The following PGLS variants were observed in gnomAD, a reference collection of about 807,000 sequenced individuals.
PGLS encodes epididymis secretory protein Li 304.
In PGLS, 21 loss-of-function variants were observed where a neutral mutation model predicts 23.2. The observed-to-expected ratio is 0.91, with a 90% CI of 0.64 to 1.31. The LOEUF (loss-of-function observed/expected upper bound fraction) is 1.31, where lower values mean the gene tolerates loss of function less well. PGLS is among the 50% of genes most tolerant of loss of function. The pLI is 0.00. For synonymous variants in PGLS, 179 were observed against 165.4 expected (o/e 1.08, Z -0.63); for missense variants, 410 against 354.0 (o/e 1.16, Z -1.27).
intron 4 of PGLS, 98 bp downstream of exon 4, chr19:17,517,948 T>G: frequency 8.5e-7 from 1 of 1,174,894 alleles, no homozygotes; most frequent in Non-Finnish European, 1.2e-6. Flanking sequence ...GCATCAGATC[T>G]GAAGAAAACT....
At chr19:17,520,142 G>A (rs1415495994) in intron 4 of PGLS, among the ~76,000 whole-genome samples, 2 of 147,710 alleles carry the variant, frequency 1.4e-5, no homozygotes, top group African/African-American at 5.2e-5. Context: ...GACAGCGCAA[G>A]ACCTTGTCTC....
In PGLS at chr19:17,511,865, G is replaced by A. The variant is rs776485346; in HGVS notation, c.193G>A (p.Ala65Thr). Residue 65 changes from alanine to threonine, a missense_variant, in exon 1 of 5, where the codon GCC becomes ACC. Physicochemically the swap from Ala to Thr is moderately conservative, Grantham distance 58. Coordinates refer to ENST00000252603, the MANE Select transcript of PGLS (RefSeq NM_012088.3). The part of the protein sequence containing the change: ...ARELPAAVAP[A>T]GPASLARWTL... Reference sequence around the variant, plus strand: ...CGAGCTACCCGCCGCCGTCGCCCCTGCCGGGCCAGCTAGCTTAGCGCGCTG... The same window carrying A: ...CGAGCTACCCGCCGCCGTCGCCCCTACCGGGCCAGCTAGCTTAGCGCGCTG... The A allele has an allele frequency of 3.8e-5, 58 of 1,535,082 alleles. No individual in the cohort carries two copies. Among genetic ancestry groups the A allele is most frequent in the Admixed American group, 1.2e-4 (6 of 50,554 alleles).
chr19:17,518,060 T>C (rs2075541853), intron 4 of PGLS, among the ~76,000 whole-genome samples: 1 of 150,028 alleles, frequency 6.7e-6, no homozygotes, highest in Non-Finnish European at 1.5e-5. Context: ...TAGTTAGGTA[T>C]TAACCGCTAT....
chr19:17,520,329 C>G (rs113069710), intron 4 of PGLS: 9,139 of 152,006 alleles, frequency 0.06, 350 homozygotes, highest in Non-Finnish European at 0.078. Flanking sequence ...GGGTGGATCA[C>G]CTGAGTTCAG....
At chr19:17,518,111 G>A (rs576655264) in intron 4 of PGLS, among the ~76,000 whole-genome samples, 2 of 151,512 alleles carry the variant, frequency 1.3e-5, no homozygotes, top group East Asian at 3.9e-4. Context: ...TGCATTCAGA[G>A]GTAAATTAAT....
Position 17,511,746 on chromosome 19 carries a change from TGGTGGCCC to T in PGLS, c.75_82del (p.Val26AlafsTer41). 6.6e-7 allele frequency: 1 copy of T among 1,504,320 alleles called. No homozygotes were observed. Among genetic ancestry groups the T allele is most frequent in the Non-Finnish European group, 8.8e-7 (1 of 1,133,790 alleles). 93.2% of individuals were successfully genotyped at this position (1,504,320 alleles called of 1,614,324 possible). Reference sequence around the variant, plus strand: ...GAGCTGGGTGCGGCGCTAGCGCAGCTGGTGGCCCAGCGCGCAGCATGCTGCCTGGCAGG... The same window carrying T: ...GAGCTGGGTGCGGCGCTAGCGCAGCTAGCGCGCAGCATGCTGCCTGGCAGG... On this transcript the variant is annotated frameshift_variant, in exon 1 of 5. Transcript: ENST00000252603. LOFTEE classifies it high-confidence loss of function.
rs2075538312 is a variant in PGLS, at chr19:17,517,395, C to T, written c.498+6C>T. 3.7e-6 allele frequency: 6 copies of T among 1,600,232 alleles called. No homozygotes were observed. The highest frequency in any genetic ancestry group is 1.7e-5 in the Admixed American group (1 of 59,866). Reference sequence around the variant, plus strand: ...CAGACCACCCCCTCCTACAGGTGAGCACACCAATGCGGGGTTCCACCCTAG... The same window carrying T: ...CAGACCACCCCCTCCTACAGGTGAGTACACCAATGCGGGGTTCCACCCTAG... On this transcript the variant is annotated splice_donor_region_variant and intron_variant, in intron 3 of 4. Transcript: ENST00000252603.
Position 17,521,221 on chromosome 19 carries a change from C to A in PGLS, c.*140C>A. ...AAGCCAACAGCCTCCGGCCAGCAGCCCTACCCGGGGCTCAACACACAGGCT... is the reference window on the plus strand; with the variant it reads ...AAGCCAACAGCCTCCGGCCAGCAGCACTACCCGGGGCTCAACACACAGGCT... On this transcript the variant is annotated 3_prime_UTR_variant, in exon 5 of 5. Transcript: ENST00000252603. 1 of 834,830 alleles carries A rather than the reference C, an allele frequency of 1.2e-6. No homozygotes were observed. The highest frequency in any genetic ancestry group is 1.8e-6 in the Non-Finnish European group (1 of 551,614). The allele number at this position is 834,830 out of a possible 1,614,324, so 51.7% of individuals were successfully genotyped here.
intron 4 of PGLS, 134 bp downstream of exon 4, chr19:17,517,984 C>G: frequency 1.8e-6 from 1 of 571,300 alleles, no homozygotes; most frequent in Non-Finnish European, 2.6e-6. Flanking sequence ...TGAAAGGTAA[C>G]TTGAAATTGC....
At chr19:17,512,220 C>T (rs1406793275) in intron 1 of PGLS, 3 of 511,846 alleles carry the variant, frequency 5.9e-6, no homozygotes, top group Non-Finnish European at 1.0e-5. Context: ...GGGGTCATGC[C>T]GAGATGGTCA....
chr19:17,517,991 T>G (rs2075541258), intron 4 of PGLS, 141 bp downstream of exon 4: 2 of 702,610 alleles, frequency 2.8e-6, no homozygotes. Context: ...TAACTTGAAA[T>G]TGCAATTAGA....
At chr19:17,520,712 C>G (rs1711532802) in intron 4 of PGLS, 1 of 359,702 alleles carries the variant, frequency 2.8e-6, no homozygotes, top group African/African-American at 2.1e-5. Context: ...GCCTGGGAGA[C>G]AGAGTGAGAC....
intron 2 of PGLS, among the ~76,000 whole-genome samples, chr19:17,516,723 T>TA (rs2075534503): frequency 6.6e-6 from 1 of 152,056 alleles, no homozygotes; most frequent in Admixed American, 6.6e-5. Context: ...TAGCTGGGAC[T>TA]ACGGGTGCCC....
At chr19:17,514,836 G>A (rs1375780719) in intron 1 of PGLS, among the ~76,000 whole-genome samples, 3 of 152,198 alleles carry the variant, frequency 2.0e-5, no homozygotes, top group Non-Finnish European at 4.4e-5. Flanking sequence ...ATTTTTAGTA[G>A]AGGTGGGATT....
chr19:17,516,599 C>A, intron 2 of PGLS: 4 of 725,650 alleles, frequency 5.5e-6, no homozygotes, highest in Non-Finnish European at 6.8e-6. Context: ...TTTTTTTTTT[C>A]TTTGAGACGG....
chr19:17,512,005 A>T, intron 1 of PGLS, 45 bp downstream of exon 1: 1 of 1,501,338 alleles, frequency 6.7e-7, no homozygotes. Flanking sequence ...AGAGGGCCAC[A>T]GCCACCGCCT....
rs1198638334 is a variant in PGLS at position 17,517,702 on chromosome 19, T to C, written c.499-8T>C. ...CTTCTGCCTCCATCCCTGGGCTTCC[T>C]CCCCAAGGAGCGGGAGAAGATTGTG... On this transcript the variant is annotated splice_region_variant and splice_polypyrimidine_tract_variant and intron_variant, in intron 3 of 4. Transcript: ENST00000252603. The C allele has an allele frequency of 6.2e-7, 1 of 1,613,856 alleles. No individual in the cohort carries two copies. The highest frequency in any genetic ancestry group is 8.5e-7 in the Non-Finnish European group (1 of 1,179,948).
chr19:17,517,961 G>A, intron 4 of PGLS, 111 bp downstream of exon 4: 2 of 903,574 alleles, frequency 2.2e-6, no homozygotes, highest in Non-Finnish European at 3.1e-6. Context: ...AGAAAACTCA[G>A]TCATTCTTGG....
chr19:17,516,080 TAA>T, intron 1 of PGLS, 91 bp from the exon 2 acceptor site: 2 of 924,206 alleles, frequency 2.2e-6, no homozygotes, highest in Non-Finnish European at 3.5e-6. Context: ...TCCCCATCTG[TAA>T]ATGAGTGTTA....
Sources: gnomAD v4.1 joint callset for allele counts (sites outside exome capture counted in the v4.1 genomes callset) on GRCh38, gnomAD v4.1.1 for gene constraint, MANE v1.5 for transcripts, NCBI Gene and HGNC (gene_info 2026-07-23, HGNC 2026-07-21) for gene names.